Variants in CAMK4 observed in about 807,000 individuals in gnomAD.
CAMK4 encodes calcium/calmodulin dependent protein kinase IV.
In CAMK4, 22 loss-of-function variants were observed where a neutral mutation model predicts 44.9. That is an observed-to-expected ratio of 0.49 (90% confidence interval 0.35 to 0.70). CAMK4 has a LOEUF of 0.70. Among genes scored for constraint, CAMK4 ranks in the 30% least tolerant of loss-of-function variants. The pLI is 0.01. For synonymous variants in CAMK4, 218 were observed against 215.4 expected (o/e 1.01, Z -0.11); for missense variants, 498 against 586.8 (o/e 0.85, Z 1.56).
intron 1 of CAMK4, among the ~76,000 whole-genome samples, chr5:111,280,390 T>G (rs1403652721): frequency 6.6e-6 from 1 of 152,222 alleles, no homozygotes; most frequent in Non-Finnish European, 1.5e-5. Flanking sequence ...TTTACATTAT[T>G]TTTTGGGACT....
intron 7 of CAMK4, among the ~76,000 whole-genome samples, chr5:111,466,143 C>A (rs1754819541): frequency 6.6e-6 from 1 of 150,918 alleles, no homozygotes; most frequent in African/African-American, 2.5e-5. Flanking sequence ...CTGACAAAAT[C>A]CAGCAATGCT....
chr5:111,361,487 C>G (rs1161230206), intron 2 of CAMK4, among the ~76,000 whole-genome samples: 1 of 151,888 alleles, frequency 6.6e-6, no homozygotes, highest in East Asian at 1.9e-4. Flanking sequence ...AAATCTTGGT[C>G]ATATGAAATG....
chr5:111,358,505 A>G (rs1425250776), intron 2 of CAMK4, among the ~76,000 whole-genome samples: 1 of 151,994 alleles, frequency 6.6e-6, no homozygotes, highest in Non-Finnish European at 1.5e-5. Context: ...AGAACACATT[A>G]GATGGATGTT....
chr5:111,434,849 C>G (rs1189189158), intron 5 of CAMK4, among the ~76,000 whole-genome samples: 2 of 152,102 alleles, frequency 1.3e-5, no homozygotes, highest in Non-Finnish European at 2.9e-5. Context: ...AAACTGTGGT[C>G]AGAATACTGT....
chr5:111,370,655 G>A (rs1336398793), intron 2 of CAMK4, among the ~76,000 whole-genome samples: 1 of 152,156 alleles, frequency 6.6e-6, no homozygotes, highest in Non-Finnish European at 1.5e-5. Context: ...CTGAAGAGAA[G>A]ATGGTGATCC....
rs1382776707 is a variant in CAMK4 at position 111,412,645 on chromosome 5, T to C, written c.459+17863T>C. ...AGCAAATATTCTGAAACATCTGTAA[T>C]ATATAAGTAAGGTAGAAGGTGGGAC... On this transcript the variant is annotated intron_variant, in intron 5 of 10. Coordinates refer to ENST00000282356, the MANE Select transcript of CAMK4 (RefSeq NM_001744.6). 4.6e-5 allele frequency among the ~76,000 whole-genome samples: 7 copies of C among 152,152 alleles called. No homozygotes were observed. The East Asian group carries it at 7.7e-4, about 17-fold the overall frequency.
chr5:111,363,963 A>G (rs1750695151), intron 2 of CAMK4, among the ~76,000 whole-genome samples: 1 of 152,174 alleles, frequency 6.6e-6, no homozygotes, highest in South Asian at 2.1e-4. Flanking sequence ...GGTAAGGATC[A>G]AAGCAGTGAG....
chr5:111,456,010 CATT>C (rs1050131483), intron 7 of CAMK4, among the ~76,000 whole-genome samples: 5 of 152,112 alleles, frequency 3.3e-5, no homozygotes, highest in African/African-American at 1.2e-4. Flanking sequence ...TTACTAAAGT[CATT>C]ATAATGAATA....
intron 5 of CAMK4, among the ~76,000 whole-genome samples, chr5:111,403,191 G>T (rs1437362998): frequency 2.0e-5 from 3 of 152,182 alleles, no homozygotes; most frequent in Non-Finnish European, 4.4e-5. Context: ...TCAGGATTAA[G>T]TATGATTTGA....
intron 8 of CAMK4, among the ~76,000 whole-genome samples, chr5:111,477,343 A>G (rs31623): frequency 2.0e-5 from 3 of 152,108 alleles, no homozygotes; most frequent in Non-Finnish European, 4.4e-5. Flanking sequence ...CTAAAAACTC[A>G]CTGTATTAGG....
intron 1 of CAMK4, among the ~76,000 whole-genome samples, chr5:111,314,921 G>A (rs1408081651): frequency 2.0e-5 from 3 of 152,036 alleles, no homozygotes; most frequent in African/African-American, 7.2e-5. Context: ...TGTAATTTCT[G>A]AGATAATGGA....
intron 1 of CAMK4, among the ~76,000 whole-genome samples, chr5:111,226,163 C>T (rs1163187314): frequency 2.6e-5 from 4 of 152,172 alleles, no homozygotes; most frequent in East Asian, 1.9e-4. Flanking sequence ...TTCAGAGTAA[C>T]ATTAACCCTA....
chr5:111,260,027 G>T (rs1749909485), intron 1 of CAMK4, among the ~76,000 whole-genome samples: 1 of 152,126 alleles, frequency 6.6e-6, no homozygotes, highest in African/African-American at 2.4e-5. Context: ...AAATTCTTTG[G>T]TAAGTTCTAT....
At chr5:111,283,369 C>G (rs1230543304) in intron 1 of CAMK4, among the ~76,000 whole-genome samples, 1 of 152,174 alleles carries the variant, frequency 6.6e-6, no homozygotes, top group Non-Finnish European at 1.5e-5. Context: ...TCTAAAACCT[C>G]TTCACAGTCA....
intron 4 of CAMK4, among the ~76,000 whole-genome samples, chr5:111,385,231 A>G (rs1751556200): frequency 6.6e-6 from 1 of 152,150 alleles, no homozygotes; most frequent in African/African-American, 2.4e-5. Flanking sequence ...AACTCTAAGT[A>G]TTCATGTGGG....
intron 2 of CAMK4, among the ~76,000 whole-genome samples, chr5:111,344,305 G>A (rs540716052): frequency 2.0e-5 from 3 of 151,776 alleles, no homozygotes; most frequent in South Asian, 4.2e-4. Context: ...TCTCAGATTG[G>A]ATGTGGTTCT....
intron 1 of CAMK4, among the ~76,000 whole-genome samples, chr5:111,315,894 A>G (rs1328374582): frequency 6.6e-6 from 1 of 152,100 alleles, no homozygotes; most frequent in Non-Finnish European, 1.5e-5. Context: ...TGTTTTCTTC[A>G]GAGGCAGGTT....
intron 1 of CAMK4, among the ~76,000 whole-genome samples, chr5:111,230,671 T>C (rs1422179231): frequency 6.6e-6 from 1 of 152,186 alleles, no homozygotes; most frequent in Non-Finnish European, 1.5e-5. Context: ...TCAAAGAACT[T>C]TCTTGTAAAC....
intron 1 of CAMK4, among the ~76,000 whole-genome samples, chr5:111,311,891 T>C (rs1748220667): frequency 1.3e-5 from 2 of 152,138 alleles, no homozygotes; most frequent in Admixed American, 6.6e-5. Flanking sequence ...TTGTTGCTAT[T>C]TGGCTTTTGT....
Sources: gnomAD v4.1 joint callset for allele counts (sites outside exome capture counted in the v4.1 genomes callset) on GRCh38, gnomAD v4.1.1 for gene constraint, MANE v1.5 for transcripts, NCBI Gene and HGNC (gene_info 2026-07-23, HGNC 2026-07-21) for gene names.